The following STARD9 variants were observed in gnomAD, a reference collection of about 807,000 sequenced individuals.
STARD9 encodes stAR-related lipid transfer protein 9.
STARD9 carries 346 observed loss-of-function variants against 399.8 expected under a neutral mutation model. The observed-to-expected ratio is 0.87, with a 90% confidence interval of 0.79 to 0.95. The LOEUF (loss-of-function observed/expected upper bound fraction) is 0.95, where lower values mean the gene tolerates loss of function less well. Among genes scored for constraint, STARD9 ranks in the 40% least tolerant of loss-of-function variants. The probability of loss-of-function intolerance (pLI) is 0.00; values close to 1 mark genes in which losing one functional copy is unlikely to be tolerated. For missense variants in STARD9, 5,832 were observed against 5,667.5 expected (o/e 1.03, Z -0.93); for synonymous variants, 2,203 against 2,143.5 (o/e 1.03, Z -0.77).
intron 20 of STARD9, among the ~76,000 whole-genome samples, chr15:42,680,282 G>T (rs2060399607): frequency 6.6e-6 from 1 of 152,154 alleles, no homozygotes. Flanking sequence ...GAACCTGGTG[G>T]CAGAGTAAGG....
intron 11 of STARD9, 194 bp downstream of exon 11, chr15:42,663,085 A>T: frequency 2.9e-6 from 2 of 696,740 alleles, no homozygotes; most frequent in South Asian, 3.9e-5. Flanking sequence ...CAAAGAGGGG[A>T]GTCTAAAAAA....
rs1221223463 is a variant in STARD9 at position 42,689,408 on chromosome 15, G to A, written c.7830G>A (p.Glu2610=). The stretch of plus-strand genomic sequence containing the variant: ...CATCATCAGACCAGACCAGGAATGA[G>A]GGTGAAGCACCGGGATTTCATGTGG... ...DQSSSDQTRN[E]GEAPGFHVAS... is the part of the protein sequence containing the mutation. The change falls in exon 23 of 33, where the codon GAG becomes GAA. Residue 2610 remains glutamate (E), a synonymous_variant. Transcript: ENST00000290607. 13 of 1,537,310 alleles carry A rather than the reference G, an allele frequency of 8.5e-6. No individual in the cohort carries two copies. Among genetic ancestry groups the A allele is most frequent in the Middle Eastern group, 1.7e-4 (1 of 6,012 alleles).
At chr15:42,676,906 A>G (rs2060321914) in intron 20 of STARD9, among the ~76,000 whole-genome samples, 1 of 151,992 alleles carries the variant, frequency 6.6e-6, no homozygotes, top group Non-Finnish European at 1.5e-5. Context: ...GCAGATGAAG[A>G]CAATCTTATG....
intron 3 of STARD9, among the ~76,000 whole-genome samples, chr15:42,621,563 A>G (rs1240417217): frequency 1.3e-5 from 2 of 152,248 alleles, no homozygotes; most frequent in African/African-American, 4.8e-5. Flanking sequence ...TACAGAAAAC[A>G]GAGGGATGAG....
Position 42,695,771 on chromosome 15 carries a change from A to G in STARD9, c.13175A>G (p.Asn4392Ser), listed in dbSNP as rs1157242001. ...KEEDKLHTLA[N>S]SSSLCTSSNG... ...GAGGATAAACTACATACCTTGGCCA[A>G]TTCCAGCTCCCTGTGCACCAGCTCT... Residue 4392 changes from asparagine (N) to serine (S), a missense_variant, in exon 26 of 33, where the codon AAT becomes AGT. This residue lies in a region of STARD9 where 5,828 missense variants were observed against 5,651.1 expected (regional missense o/e 1.03). Transcript: ENST00000290607. 1 of 1,537,228 alleles carries G rather than the reference A, an allele frequency of 6.5e-7. No individual in the cohort carries two copies.
rs911481521 is a variant in STARD9 at position 42,575,678 on chromosome 15, G to A, written c.-38G>A. On this transcript the variant is annotated 5_prime_UTR_variant, in exon 1 of 33. Coordinates refer to ENST00000290607, the MANE Select transcript of STARD9 (RefSeq NM_020759.3). Reference sequence around the variant, plus strand: ...TAGGGCGGGGGCCTGGGATGCTGCCGCTGAGCTGACCCGCTGGACTTGGGT... The same window carrying A: ...TAGGGCGGGGGCCTGGGATGCTGCCACTGAGCTGACCCGCTGGACTTGGGT... The A allele has an allele frequency of 6.5e-7, 1 of 1,535,164 alleles. No homozygotes were observed. Among genetic ancestry groups the A allele is most frequent in the Non-Finnish European group, 8.7e-7 (1 of 1,146,184 alleles).
Position 42,663,282 on chromosome 15 carries a change from C to T in STARD9, c.870C>T (p.Ala290=), listed in dbSNP as rs780276931. 6.5e-7 allele frequency: 1 copy of T among 1,529,878 alleles called. No individual in the cohort carries two copies. The highest frequency in any genetic ancestry group is 8.8e-7 in the Non-Finnish European group (1 of 1,141,356). The allele number at this position is 1,529,878 out of a possible 1,614,324, so 94.8% of individuals were successfully genotyped here. A position where few individuals can be genotyped will look rare whatever the true frequency, so the allele number is the denominator to read the frequency against. Residue 290 remains alanine, a splice_region_variant and synonymous_variant, in exon 12 of 33, where the codon GCC becomes GCT. Coordinates refer to ENST00000290607, the MANE Select transcript of STARD9 (RefSeq NM_020759.3). ...VTLGIVISTL[A]QNSQVFSSCQ... ...CATTTTCTTTTTTCATCTTTTAAGC[C>T]CAGAACTCCCAAGTTTTCAGCAGCT...
chr15:42,632,077 C>T (rs1290685084), intron 3 of STARD9, among the ~76,000 whole-genome samples: 1 of 152,144 alleles, frequency 6.6e-6, no homozygotes, highest in Non-Finnish European at 1.5e-5. Context: ...AGGTCTCTCT[C>T]TCTTTAGCTC....
At chr15:42,626,297 C>T (rs1272951164) in intron 3 of STARD9, among the ~76,000 whole-genome samples, 9 of 144,078 alleles carry the variant, frequency 6.2e-5, no homozygotes, top group African/African-American at 1.9e-4. Flanking sequence ...CTTCCTCTTC[C>T]TCCCCTTCTT....
intron 10 of STARD9, among the ~76,000 whole-genome samples, chr15:42,661,890 AACC>A (rs1426274512): frequency 2.0e-5 from 3 of 152,114 alleles, no homozygotes; most frequent in African/African-American, 4.8e-5. Flanking sequence ...AGGATTAAAA[AACC>A]ACTGCTCTCA....
At chr15:42,710,937 G>A (rs767919662) in intron 26 of STARD9, among the ~76,000 whole-genome samples, 8 of 148,282 alleles carry the variant, frequency 5.4e-5, no homozygotes, top group Non-Finnish European at 1.2e-4. Context: ...CTGTCTCCCT[G>A]TCTGTTTGTC....
chr15:42,661,207 T>C lies in STARD9; in HGVS notation c.752T>C (p.Leu251Pro), dbSNP rs1453054450. ...LPSEMASKIN[L>P]VDLAGSERAD... ...TCTGAAATGGCTAGCAAGATCAACC[T>C]TGTGGACCTAGCAGGCAGGTAATTA... The change falls in exon 10 of 33, where the codon CTT (leucine) becomes CCT (proline). Residue 251 changes from leucine (L) to proline (P), a missense_variant. Leu to Pro is a moderately conservative substitution (Grantham distance 98, BLOSUM62 -3). Coordinates refer to ENST00000290607, the MANE Select transcript of STARD9 (RefSeq NM_020759.3). 9 of 1,536,654 alleles carry C rather than the reference T, an allele frequency of 5.9e-6. No homozygotes were observed. Among genetic ancestry groups the C allele is most frequent in the Non-Finnish European group, 7.8e-6 (9 of 1,146,510 alleles).
chr15:42,696,277 C>T (rs529562711), intron 26 of STARD9, among the ~76,000 whole-genome samples: 7 of 152,238 alleles, frequency 4.6e-5, no homozygotes, highest in East Asian at 1.9e-4. Flanking sequence ...AGAGATACTC[C>T]GAACAGAATG....
Position 42,636,489 on chromosome 15 carries a change from G to A in STARD9, c.352-1418G>A, listed in dbSNP as rs2059419807. ...CCAGCTACTTGGGAGGCTGAGGCAT[G>A]AGAATCGCTTGAACCCAGGAGGGAG... On this transcript the variant is annotated intron_variant, in intron 4 of 32. Transcript: ENST00000290607. Among the ~76,000 whole-genome samples the A allele has an allele frequency of 2.0e-5, 3 of 152,356 alleles. No individual in the cohort carries two copies. The South Asian group carries it at 6.2e-4, about 32-fold the overall frequency.
intron 3 of STARD9, among the ~76,000 whole-genome samples, chr15:42,619,952 G>A (rs1047849689): frequency 6.6e-6 from 1 of 152,242 alleles, no homozygotes; most frequent in Non-Finnish European, 1.5e-5. Context: ...ATTCAGATCA[G>A]CAGGAGGGGT....
intron 13 of STARD9, among the ~76,000 whole-genome samples, chr15:42,664,945 C>A (rs2060064667): frequency 6.6e-6 from 1 of 152,058 alleles, no homozygotes; most frequent in South Asian, 2.1e-4. Context: ...CCTGCTTGAC[C>A]TCTAGGGAAA....
At chr15:42,638,391 C>G (rs1683213054) in intron 6 of STARD9, among the ~76,000 whole-genome samples, 1 of 152,132 alleles carries the variant, frequency 6.6e-6, no homozygotes, top group African/African-American at 2.4e-5. Context: ...GTTTGAAATT[C>G]ACTCAAGAAA....
At chr15:42,666,052 T>C (rs1377027359) in intron 15 of STARD9, among the ~76,000 whole-genome samples, 1 of 152,242 alleles carries the variant, frequency 6.6e-6, no homozygotes, top group South Asian at 2.1e-4. Flanking sequence ...TGTATTGTTC[T>C]CTCAGGGATT....
chr15:42,649,811 T>C (rs2059721048), intron 7 of STARD9, among the ~76,000 whole-genome samples: 1 of 151,104 alleles, frequency 6.6e-6, no homozygotes, highest in African/African-American at 2.4e-5. Context: ...CTACCTGCCT[T>C]GGGCTCCCAA....
Sources: allele counts gnomAD v4.1 joint callset (sites outside exome capture counted in the v4.1 genomes callset), GRCh38; gene constraint gnomAD v4.1.1; regional missense constraint gnomAD v4.1.1; transcripts MANE v1.5; gene names NCBI Gene and HGNC (gene_info 2026-07-23, HGNC 2026-07-21).